The following IL20RB variants were observed in gnomAD, a reference collection of about 807,000 sequenced individuals.
IL20RB encodes the protein interleukin-20 receptor subunit beta.
IL20RB carries 21 observed loss-of-function variants against 33.3 expected under a neutral mutation model. The observed-to-expected ratio is 0.63, with a 90% confidence interval of 0.45 to 0.91. The LOEUF is 0.91. IL20RB is among the 40% of genes least tolerant of loss of function. The pLI, the probability that IL20RB is intolerant of heterozygous loss-of-function variation, is 0.00. For synonymous variants in IL20RB, 147 were observed against 146.8 expected, an observed-to-expected ratio of 1.00 and a Z score of -0.01; for missense variants, 345 against 384.8, an observed-to-expected ratio of 0.90 and a Z score of 0.86.
At chr3:136,998,475 G>A (rs1200158814) in intron 6 of IL20RB, among the ~76,000 whole-genome samples, 1 of 150,806 alleles carries the variant, frequency 6.6e-6, no homozygotes, top group Non-Finnish European at 1.5e-5. Context: ...ATCTGGTGTG[G>A]GCTTCCTGTC....
intron 4 of IL20RB, among the ~76,000 whole-genome samples, chr3:136,991,524 C>G (rs1000536684): frequency 1.3e-5 from 2 of 152,226 alleles, no homozygotes; most frequent in Admixed American, 1.3e-4. Flanking sequence ...CTGTGTGCAT[C>G]TGGAAAGGAA....
intron 3 of IL20RB, among the ~76,000 whole-genome samples, chr3:136,987,665 C>T (rs1023929074): frequency 2.6e-5 from 4 of 152,122 alleles, no homozygotes; most frequent in Non-Finnish European, 4.4e-5. Flanking sequence ...AGGCTCGGGC[C>T]GCACAGGAGC....
At chr3:136,985,935 C>T (rs1363306362) in intron 3 of IL20RB, among the ~76,000 whole-genome samples, 1 of 152,170 alleles carries the variant, frequency 6.6e-6, no homozygotes, top group Non-Finnish European at 1.5e-5. Flanking sequence ...TGACTCTGGG[C>T]ATGTCACTTA....
intron 4 of IL20RB, among the ~76,000 whole-genome samples, chr3:136,991,334 A>C (rs547844043): frequency 6.6e-6 from 1 of 152,190 alleles, no homozygotes; most frequent in Non-Finnish European, 1.5e-5. Flanking sequence ...TCACCACCTG[A>C]TGTGTATTTT....
intron 1 of IL20RB, among the ~76,000 whole-genome samples, chr3:136,961,393 C>G (rs1464023375): frequency 6.6e-6 from 1 of 151,660 alleles, no homozygotes; most frequent in Non-Finnish European, 1.5e-5. Flanking sequence ...ATTGGAATCA[C>G]CTGGGGAACT....
chr3:136,977,023 C>T (rs1452540465), intron 1 of IL20RB, among the ~76,000 whole-genome samples: 1 of 152,200 alleles, frequency 6.6e-6, no homozygotes, highest in Non-Finnish European at 1.5e-5. Flanking sequence ...GCCAGCTGAT[C>T]CTAGCCAAGC....
chr3:136,983,105 T>C (rs181579417), intron 3 of IL20RB, among the ~76,000 whole-genome samples: 1 of 151,902 alleles, frequency 6.6e-6, no homozygotes, highest in Admixed American at 6.6e-5. Flanking sequence ...TTTTTTTTTT[T>C]GATACGGAGT....
intron 2 of IL20RB, among the ~76,000 whole-genome samples, chr3:136,981,148 C>G (rs1210282708): frequency 6.6e-6 from 1 of 152,090 alleles, no homozygotes; most frequent in African/African-American, 2.4e-5. Flanking sequence ...CTCAGGGATA[C>G]AGTTGACAAG....
intron 5 of IL20RB, among the ~76,000 whole-genome samples, chr3:136,994,376 T>TC (rs1480021123): frequency 6.6e-6 from 1 of 152,168 alleles, no homozygotes; most frequent in East Asian, 1.9e-4. Flanking sequence ...TATCAAAACA[T>TC]CTCATGTACC....
intron 6 of IL20RB, among the ~76,000 whole-genome samples, chr3:137,004,093 T>C (rs1347870373): frequency 6.6e-6 from 1 of 152,254 alleles, no homozygotes; most frequent in Non-Finnish European, 1.5e-5. Flanking sequence ...GAATCAGCCT[T>C]GCATCCCAGG....
intron 5 of IL20RB, among the ~76,000 whole-genome samples, chr3:136,994,016 A>C (rs1465431342): frequency 6.6e-6 from 1 of 151,926 alleles, no homozygotes; most frequent in Non-Finnish European, 1.5e-5. Context: ...GTCTCAAAAA[A>C]AAAAAAAATC....
Position 136,962,527 on chromosome 3 carries a change from G to A in IL20RB, c.88+4326G>A, listed in dbSNP as rs565990441. Among the ~76,000 whole-genome samples, 5 of 152,304 alleles carry A rather than the reference G, an allele frequency of 3.3e-5. 1 individual carries two copies. The highest frequency in any genetic ancestry group is 9.6e-5 in the African/African-American group (4 of 41,566). ...CCAGCACTTTGGGAGGCCAGGGCAG[G>A]TGGATCACGAGGTCAGGAGATCGAG... On this transcript the variant is annotated intron_variant, in intron 1 of 6. Transcript: ENST00000329582.
At chr3:136,969,858 A>T (rs1053548617) in intron 1 of IL20RB, among the ~76,000 whole-genome samples, 7 of 152,122 alleles carry the variant, frequency 4.6e-5, no homozygotes, top group African/African-American at 1.4e-4. Context: ...TTTTGATAAA[A>T]TTAAAATCAT....
chr3:136,963,015 G>A (rs1435945639), intron 1 of IL20RB, among the ~76,000 whole-genome samples: 1 of 152,110 alleles, frequency 6.6e-6, no homozygotes, highest in African/African-American at 2.4e-5. Flanking sequence ...TGAGTGAAGA[G>A]TATATGAGAG....
At chr3:137,005,325 AC>A (rs1443758403) in intron 6 of IL20RB, among the ~76,000 whole-genome samples, 2 of 151,882 alleles carry the variant, frequency 1.3e-5, no homozygotes, top group East Asian at 3.9e-4. Context: ...ATCCTTGTTA[AC>A]CTTCTGTCTC....
intron 6 of IL20RB, among the ~76,000 whole-genome samples, chr3:136,998,854 CT>C (rs1388618492): frequency 1.3e-5 from 2 of 151,974 alleles, no homozygotes; most frequent in Non-Finnish European, 2.9e-5. Context: ...GTTTAATTGT[CT>C]TCTAGCTTAC....
intron 1 of IL20RB, 173 bp from the exon 2 acceptor site, chr3:136,980,293 T>C: frequency 6.9e-6 from 2 of 287,854 alleles, no homozygotes; most frequent in East Asian, 9.4e-5. Context: ...ATGTGAGGCT[T>C]TTTTTTTTTT....
intron 1 of IL20RB, among the ~76,000 whole-genome samples, chr3:136,978,280 C>T (rs1941678481): frequency 1.3e-5 from 2 of 151,900 alleles, no homozygotes; most frequent in African/African-American, 4.8e-5. Flanking sequence ...AGTCTCCTGC[C>T]TCAGCCTCCC....
At chr3:136,984,195 C>T (rs1021144983) in intron 3 of IL20RB, among the ~76,000 whole-genome samples, 1 of 152,130 alleles carries the variant, frequency 6.6e-6, no homozygotes, top group East Asian at 1.9e-4. Context: ...AGGGACAAGA[C>T]GCTGAAGATA....
Sources: gnomAD v4.1 joint callset for allele counts (sites outside exome capture counted in the v4.1 genomes callset) on GRCh38, gnomAD v4.1.1 for gene constraint, MANE v1.5 for transcripts, NCBI Gene and HGNC (gene_info 2026-07-23, HGNC 2026-07-21) for gene names.